The following DLC1 variants were observed in gnomAD, a reference collection of about 807,000 sequenced individuals.
DLC1 encodes the protein rho GTPase-activating protein 7.
In DLC1, 54 loss-of-function variants were observed where a neutral mutation model predicts 140.3. The ratio of observed to expected loss-of-function variants is 0.38; its 90% confidence interval spans 0.31 to 0.48. DLC1 has a LOEUF of 0.48. DLC1 is among the 20% of genes least tolerant of loss of function. The pLI is 0.96. For missense variants in DLC1, 2,536 were observed against 1,907.0 expected, an observed-to-expected ratio of 1.33 and a Z score of -6.14; for synonymous variants, 986 against 728.1, an observed-to-expected ratio of 1.35 and a Z score of -5.70.
chr8:13,225,378 C>A (rs1828746963), intron 5 of DLC1, among the ~76,000 whole-genome samples: 1 of 152,112 alleles, frequency 6.6e-6, no homozygotes, highest in African/African-American at 2.4e-5. Flanking sequence ...TGGATGTGAA[C>A]AACCGGTTGG....
At chr8:13,558,569 A>T (rs913190079) in intron 1 of DLC1, 1 of 152,210 alleles carries the variant, frequency 6.6e-6, no homozygotes, top group Non-Finnish European at 1.5e-5. Context: ...ATCACTATGT[A>T]TTGTTCTTTA....
At chr8:13,460,708 G>A (rs1437446768) in intron 2 of DLC1, among the ~76,000 whole-genome samples, 2 of 152,222 alleles carry the variant, frequency 1.3e-5, no homozygotes, top group Non-Finnish European at 2.9e-5. Flanking sequence ...CTTTCCTGAT[G>A]GCAGACTCCT....
chr8:13,139,660 T>C (rs566307685), intron 5 of DLC1, among the ~76,000 whole-genome samples: 44 of 152,354 alleles, frequency 2.9e-4, no homozygotes, highest in Non-Finnish European at 4.1e-4. Context: ...TTAAAGGCTA[T>C]TTTATTTAAA....
At chr8:13,373,957 T>G in intron 4 of DLC1, among the ~76,000 whole-genome samples, 1 of 152,214 alleles carries the variant, frequency 6.6e-6, no homozygotes, top group East Asian at 1.9e-4. Flanking sequence ...TTTGGCATAA[T>G]TTCCAGATTT....
At chr8:13,195,596 G>T (rs1827000420) in intron 5 of DLC1, among the ~76,000 whole-genome samples, 1 of 152,184 alleles carries the variant, frequency 6.6e-6, no homozygotes, top group African/African-American at 2.4e-5. Context: ...TGTGAAGAAG[G>T]AGAACTAAAT....
intron 5 of DLC1, among the ~76,000 whole-genome samples, chr8:13,151,573 T>G (rs1823814515): frequency 6.6e-6 from 1 of 152,164 alleles, no homozygotes. Flanking sequence ...GAATTTAGAT[T>G]TAATTGACTG....
At chr8:13,450,687 G>A (rs956980055) in intron 2 of DLC1, among the ~76,000 whole-genome samples, 2 of 151,946 alleles carry the variant, frequency 1.3e-5, no homozygotes, top group African/African-American at 2.4e-5. Context: ...TCATGAATAA[G>A]TCTTGCAAAA....
chr8:13,466,355 T>C (rs552197385), intron 2 of DLC1, among the ~76,000 whole-genome samples: 4 of 152,336 alleles, frequency 2.6e-5, no homozygotes, highest in Non-Finnish European at 4.4e-5. Context: ...AAAACACTTC[T>C]GTTGTTTCAT....
chr8:13,560,034 T>C (rs1010625901), intron 1 of DLC1, among the ~76,000 whole-genome samples: 1 of 152,196 alleles, frequency 6.6e-6, no homozygotes, highest in Non-Finnish European at 1.5e-5. Flanking sequence ...TATGTTATCA[T>C]ACAATTTCCA....
intron 8 of DLC1, among the ~76,000 whole-genome samples, chr8:13,102,363 A>G (rs1490939259): frequency 1.3e-5 from 2 of 152,118 alleles, no homozygotes; most frequent in South Asian, 2.1e-4. Flanking sequence ...TTATTCTTCA[A>G]TATTGCACAA....
In DLC1 at chr8:13,528,165, A is replaced by G. The variant is rs551790097; in HGVS notation, c.-125-27969T>C. Among the ~76,000 whole-genome samples the G allele has an allele frequency of 2.6e-5, 4 of 152,292 alleles. No homozygotes were observed. The South Asian group carries it at 8.3e-4, about 32-fold the overall frequency. ...ACTGAAAAAGCATAAACAATGCTTT[A>G]TCAAACTCTTAAAAAGTTCAGTGTT... On this transcript the variant is annotated intron_variant, in intron 1 of 1. Coordinates refer to the DLC1 transcript ENST00000631382.
intron 5 of DLC1, among the ~76,000 whole-genome samples, chr8:13,124,685 C>T (rs1293542693): frequency 6.6e-6 from 1 of 152,190 alleles, no homozygotes; most frequent in African/African-American, 2.4e-5. Context: ...TTCTCTGGCC[C>T]TGTTGCTTCA....
At chr8:13,598,606 C>A (rs1013346091) in intron 1 of DLC1, among the ~76,000 whole-genome samples, 1 of 152,064 alleles carries the variant, frequency 6.6e-6, no homozygotes, top group Admixed American at 6.6e-5. Context: ...AGTTTTATTT[C>A]AATCCATAAG....
intron 2 of DLC1, among the ~76,000 whole-genome samples, chr8:13,443,455 C>T (rs770373745): frequency 2.7e-5 from 4 of 150,870 alleles, no homozygotes; most frequent in South Asian, 2.1e-4. Flanking sequence ...GTCAGGAGAT[C>T]GAGACCATCC....
At chr8:13,221,053 A>G (rs999382428) in intron 5 of DLC1, among the ~76,000 whole-genome samples, 7 of 152,230 alleles carry the variant, frequency 4.6e-5, no homozygotes, top group African/African-American at 1.7e-4. Flanking sequence ...ACTCCAGTGC[A>G]CAATAAAATA....
chr8:13,148,904 A>T (rs1440033641), intron 5 of DLC1, among the ~76,000 whole-genome samples: 1 of 151,994 alleles, frequency 6.6e-6, no homozygotes, highest in East Asian at 1.9e-4. Context: ...ACCATTCTCC[A>T]GCCTCAGCCT....
chr8:13,125,962 C>T (rs1821523418), intron 5 of DLC1, among the ~76,000 whole-genome samples: 2 of 151,980 alleles, frequency 1.3e-5, no homozygotes, highest in Admixed American at 1.3e-4. Context: ...ACACTTTAGC[C>T]ATGTAGAATT....
intron 1 of DLC1, among the ~76,000 whole-genome samples, chr8:13,583,721 T>C (rs1405142766): frequency 6.6e-6 from 1 of 152,242 alleles, no homozygotes; most frequent in Non-Finnish European, 1.5e-5. Context: ...AGCAACACTA[T>C]TGCATCTTTC....
At chr8:13,352,001 T>G (rs943186412) in intron 4 of DLC1, among the ~76,000 whole-genome samples, 7 of 152,234 alleles carry the variant, frequency 4.6e-5, no homozygotes, top group Non-Finnish European at 1.0e-4. Flanking sequence ...CCCAAAGTGC[T>G]GGGATTACAG....
Sources: allele counts gnomAD v4.1 joint callset (sites outside exome capture counted in the v4.1 genomes callset), GRCh38; gene constraint gnomAD v4.1.1; transcripts MANE v1.5; gene names NCBI Gene and HGNC (gene_info 2026-07-23, HGNC 2026-07-21).